STK39: variants seen among roughly 807,000 people sequenced by gnomAD.
The protein encoded by STK39 is serine/threonine kinase 39.
A neutral mutation model predicts 77.8 loss-of-function variants in STK39; 20 were observed. The ratio of observed to expected loss-of-function variants is 0.26; its 90% CI spans 0.18 to 0.37. The LOEUF (loss-of-function observed/expected upper bound fraction) is 0.37, where lower values mean the gene tolerates loss of function less well. Ranked by LOEUF, STK39 falls within the 10% of genes least tolerant of loss-of-function variation. The pLI, the probability that STK39 is intolerant of heterozygous loss-of-function variation, is 1.00. For synonymous variants in STK39, 246 were observed against 234.1 expected (o/e 1.05, Z -0.47); for missense variants, 479 against 656.5 (o/e 0.73, Z 2.95).
At chr2:168,193,946 C>T (rs1689404674) in intron 1 of STK39, among the ~76,000 whole-genome samples, 1 of 152,154 alleles carries the variant, frequency 6.6e-6, no homozygotes, top group Non-Finnish European at 1.5e-5. Flanking sequence ...CGAGTTTAGG[C>T]CCCCATGGAA....
intron 14 of STK39, among the ~76,000 whole-genome samples, chr2:168,020,430 CT>C (rs1454009563): frequency 6.6e-6 from 1 of 151,998 alleles, no homozygotes; most frequent in East Asian, 1.9e-4. Flanking sequence ...AAAAATTCCA[CT>C]GAATATGTGT....
rs1354094856 is a variant in STK39, at chr2:168,199,128, ATATTCCT to A, written c.209-17045_209-17039del. ...AGGCAATGTTTAAAAGAAAAATCCT[ATATTCCT>A]TATACCCTGATACTTAGGGGGTTAC... On this transcript the variant is annotated intron_variant, in intron 1 of 17. Transcript: ENST00000355999. Among the ~76,000 whole-genome samples the A allele has an allele frequency of 4.6e-5, 7 of 152,188 alleles. No individual in the cohort carries two copies. The East Asian group carries it at 1.3e-3, about 29-fold the overall frequency.
intron 1 of STK39, among the ~76,000 whole-genome samples, chr2:168,190,208 C>T (rs1689306079): frequency 6.6e-6 from 1 of 152,152 alleles, no homozygotes; most frequent in Admixed American, 6.5e-5. Context: ...GAATGGAATG[C>T]ACATCAGCCC....
intron 1 of STK39, among the ~76,000 whole-genome samples, chr2:168,210,583 G>T (rs568542270): frequency 6.6e-6 from 1 of 152,306 alleles, no homozygotes; most frequent in South Asian, 2.1e-4. Flanking sequence ...GCAGTGGCAT[G>T]ATCTTAGCTC....
At chr2:168,030,962 C>A (rs577802392) in intron 14 of STK39, among the ~76,000 whole-genome samples, 138 of 152,300 alleles carry the variant, frequency 9.1e-4, no homozygotes, top group Non-Finnish European at 1.6e-3. Flanking sequence ...CGGATGAGGA[C>A]AGGACTTTTC....
chr2:168,162,806 TC>T (rs1300226890), intron 4 of STK39, among the ~76,000 whole-genome samples: 1 of 152,052 alleles, frequency 6.6e-6, no homozygotes, highest in East Asian at 1.9e-4. Flanking sequence ...GGTGGGCAGA[TC>T]ATCTGGGATC....
At chr2:168,180,075 G>C (rs1039368028) in intron 2 of STK39, among the ~76,000 whole-genome samples, 2 of 152,124 alleles carry the variant, frequency 1.3e-5, no homozygotes, top group Non-Finnish European at 2.9e-5. Context: ...AGCCAGGTGC[G>C]GTGGCTCACA....
intron 10 of STK39, among the ~76,000 whole-genome samples, chr2:168,092,003 C>T (rs139630343): frequency 4.9e-4 from 74 of 152,274 alleles, no homozygotes; most frequent in African/African-American, 1.7e-3. Context: ...TCAAAAATGA[C>T]TTTTTCAGTT....
At chr2:168,171,663 A>T (rs1489412145) in intron 2 of STK39, among the ~76,000 whole-genome samples, 2 of 151,804 alleles carry the variant, frequency 1.3e-5, no homozygotes, top group South Asian at 2.1e-4. Context: ...ATTTTTAAAA[A>T]TTTTTTGTAG....
intron 14 of STK39, among the ~76,000 whole-genome samples, chr2:168,019,076 G>A (rs530009197): frequency 6.6e-6 from 1 of 151,730 alleles, no homozygotes; most frequent in Non-Finnish European, 1.5e-5. Context: ...CCCCAACCTT[G>A]ACTTTTATCA....
At chr2:167,968,589 T>C (rs571370515) in intron 16 of STK39, among the ~76,000 whole-genome samples, 3 of 152,238 alleles carry the variant, frequency 2.0e-5, no homozygotes, top group Admixed American at 6.5e-5. Context: ...CTACTTCCAA[T>C]AGTAAGAAAT....
chr2:167,983,340 G>A (rs527783385), intron 16 of STK39, among the ~76,000 whole-genome samples: 22 of 151,808 alleles, frequency 1.4e-4, no homozygotes, highest in South Asian at 6.3e-4. Flanking sequence ...TTAGCTGGGC[G>A]TGGTGTCACA....
intron 14 of STK39, among the ~76,000 whole-genome samples, chr2:168,026,401 T>C (rs1684699478): frequency 6.6e-6 from 1 of 152,210 alleles, no homozygotes; most frequent in Non-Finnish European, 1.5e-5. Context: ...GGTCACCTAA[T>C]CCATTTCTCT....
chr2:168,099,516 T>C (rs564948416), intron 10 of STK39, among the ~76,000 whole-genome samples: 1 of 152,328 alleles, frequency 6.6e-6, no homozygotes, highest in South Asian at 2.1e-4. Flanking sequence ...CATCTAATTA[T>C]CAGAAAGCTT....
At chr2:168,021,157 T>A (rs898488224) in intron 14 of STK39, among the ~76,000 whole-genome samples, 3 of 152,192 alleles carry the variant, frequency 2.0e-5, no homozygotes, top group Non-Finnish European at 2.9e-5. Flanking sequence ...AATATATTTA[T>A]TCTAGTAAGG....
intron 1 of STK39, among the ~76,000 whole-genome samples, chr2:168,240,954 C>T (rs1690743231): frequency 6.6e-6 from 1 of 152,216 alleles, no homozygotes; most frequent in Non-Finnish European, 1.5e-5. Context: ...TCCACTGGCT[C>T]TGGCCACAGA....
chr2:168,198,053 A>AG (rs397763649), intron 1 of STK39, among the ~76,000 whole-genome samples: 54 of 151,582 alleles, frequency 3.6e-4, no homozygotes, highest in Non-Finnish European at 6.6e-4. Context: ...AAAAAAAAAA[A>AG]GTAAAAATAA....
chr2:168,202,482 T>G (rs980906966), intron 1 of STK39, among the ~76,000 whole-genome samples: 1 of 152,152 alleles, frequency 6.6e-6, no homozygotes. Context: ...ACACTTTTCT[T>G]AAGTGGCAGA....
At chr2:168,120,938 C>T (rs1470342516) in intron 10 of STK39, among the ~76,000 whole-genome samples, 1 of 152,162 alleles carries the variant, frequency 6.6e-6, no homozygotes, top group Non-Finnish European at 1.5e-5. Context: ...TTCCCAGATT[C>T]CTGCAATGAT....
Sources: gnomAD v4.1 joint callset for allele counts (sites outside exome capture counted in the v4.1 genomes callset) on GRCh38, gnomAD v4.1.1 for gene constraint, MANE v1.5 for transcripts, NCBI Gene and HGNC (gene_info 2026-07-23, HGNC 2026-07-21) for gene names.